Variants in IGSF1 observed in about 807,000 individuals in gnomAD.
IGSF1 encodes immunoglobulin superfamily member 1.
IGSF1 carries 40 observed loss-of-function variants against 95.3 expected under a neutral mutation model. The ratio of observed to expected loss-of-function variants is 0.42; its 90% confidence interval spans 0.33 to 0.55. The LOEUF is 0.55. Among genes scored for constraint, IGSF1 ranks in the 20% least tolerant of loss-of-function variants. The probability of loss-of-function intolerance (pLI) is 0.10; values close to 1 mark genes in which losing one functional copy is unlikely to be tolerated. For missense variants in IGSF1, 906 were observed against 1,025.4 expected (o/e 0.88, Z 1.59); for synonymous variants, 372 against 382.9 (o/e 0.97, Z 0.33).
chrX:131,277,095 C>G lies in IGSF1; in HGVS notation c.2452G>C (p.Ala818Pro), dbSNP rs2080486479. 8.3e-7 allele frequency: 1 copy of G among 1,209,516 alleles called. No individual in the cohort carries two copies. The highest frequency in any genetic ancestry group is 1.1e-6 in the Non-Finnish European group (1 of 894,986). ...FILYKDGSEI[A>P]SSDRSWASPG... ...CTTGCCCAGGACCTGTCACTGGATG[C>G]TATTTCACTTCCATCTTTGTAAAGA... The change falls in exon 14 of 20, where the codon GCA (alanine) becomes CCA (proline). Residue 818 changes from alanine to proline, a missense_variant. By Grantham distance (27) the Ala-to-Pro change is conservative. Coordinates refer to ENST00000361420, the MANE Select transcript of IGSF1 (RefSeq NM_001555.5).
intron 11 of IGSF1, 97 bp downstream of exon 11, chrX:131,279,046 T>G (rs766027030): frequency 1.1e-6 from 1 of 949,284 alleles, no homozygotes; most frequent in East Asian, 3.1e-5. Context: ...TGCCCTTCCC[T>G]CCCAACCAGC....
chrX:131,281,844 T>C lies in IGSF1; in HGVS notation c.1347A>G (p.Glu449=), dbSNP rs1128617. The C allele has an allele frequency of 0.46, 551,029 of 1,206,628 alleles. 86,860 individuals are homozygous for C. Among genetic ancestry groups the C allele is most frequent in the East Asian group, 0.69 (23,150 of 33,640 alleles). Residue 449 remains glutamate, a synonymous_variant, in exon 8 of 20, where the codon GAA becomes GAG. Coordinates refer to ENST00000361420, the MANE Select transcript of IGSF1 (RefSeq NM_001555.5). ...CTCTTTCTTCCCATTCCAGAGAAAA[T>C]TCCAGTACTGGATGAGATACTCGGC... ...LQCRVSHPVL[E]FSLEWEERET...
rs148807935 is a variant in IGSF1 at position 131,280,310 on chromosome X, C to G, written c.1646+908G>C. On this transcript the variant is annotated intron_variant, in intron 9 of 19. Transcript: ENST00000361420. ...CTTAGGTGGCTCCCTTCTGATTGCC[C>G]AAGTATTCTGTCCCTCAGATTCCAG... is the stretch of plus-strand genomic sequence containing the variant. Among the ~76,000 whole-genome samples the G allele has an allele frequency of 3.1e-3, 343 of 111,564 alleles. 1 individual carries two copies. Among genetic ancestry groups the G allele is most frequent in the African/African-American group, 0.01 (321 of 30,634 alleles).
chrX:131,276,274 A>G (rs779287695), intron 14 of IGSF1, 26 bp from the exon 15 acceptor site: 1 of 1,153,209 alleles, frequency 8.7e-7, no homozygotes, highest in African/African-American at 1.8e-5. Flanking sequence ...CCACAGCATG[A>G]GATAAACCCA....
Position 131,286,616 on chromosome X carries a change from A to C in IGSF1, c.59T>G (p.Leu20Arg), listed in dbSNP as rs765959488. Reference protein sequence around the residue: ...ATMLKTFTVLLFCIRMSLGMT... With the variant: ...ATMLKTFTVLRFCIRMSLGMT... ...TTCCTTGTACTCACGAATGCAAAAGAGCAAAACAGTGAATGTCTTCAGCAT... is the reference window on the plus strand; with the variant it reads ...TTCCTTGTACTCACGAATGCAAAAGCGCAAAACAGTGAATGTCTTCAGCAT... The change falls in exon 2 of 20, where the codon CTC becomes CGC. Residue 20 changes from leucine (L) to arginine (R), a missense_variant. Leu to Arg is a moderately radical substitution (Grantham distance 102, BLOSUM62 -2). Around this residue, in one of 5 missense-constraint regions of IGSF1, gnomAD observed 442 missense variants for 448.1 expected, o/e 0.99. Coordinates refer to ENST00000361420, the MANE Select transcript of IGSF1 (RefSeq NM_001555.5). 4.1e-6 allele frequency: 5 copies of C among 1,207,686 alleles called. No homozygotes were observed. The Admixed American group carries it at 8.8e-5, about 21-fold the overall frequency.
At chrX:131,287,039 T>C (rs904047182) in intron 1 of IGSF1, among the ~76,000 whole-genome samples, 3 of 86,070 alleles carry the variant, frequency 3.5e-5, no homozygotes, top group Non-Finnish European at 6.8e-5. Flanking sequence ...AGGTGCAGAG[T>C]CACCTTTTCA....
rs749977306 is a variant in IGSF1 at position 131,274,090 on chromosome X, G to C, written c.3868C>G (p.Arg1290Gly). 3 of 1,209,308 alleles carry C rather than the reference G, an allele frequency of 2.5e-6. No homozygotes were observed. The highest frequency in any genetic ancestry group is 3.4e-6 in the Non-Finnish European group (3 of 894,957). Reference protein sequence around the residue: ...AIEWKKWPRLRTRGSETDGRD... With the variant: ...AIEWKKWPRLGTRGSETDGRD... ...AATGAGGCATTTATTTACCTGGTTC[G>C]CAGTCGAGGCCACTTCTTCCACTCT... The change falls in exon 19 of 20, where the codon CGA (arginine) becomes GGA (glycine). Residue 1290 changes from arginine (R) to glycine (G), a missense_variant. This residue lies in a region of IGSF1 where 411 missense variants were observed against 494.9 expected (regional missense o/e 0.83). Coordinates refer to ENST00000361420, the MANE Select transcript of IGSF1 (RefSeq NM_001555.5).
At position 131,277,082 on chromosome X, in the gene IGSF1, C is replaced by A; in HGVS notation, c.2465G>T (p.Arg822Met). Residue 822 changes from arginine (R) to methionine (M), a missense_variant, in exon 14 of 20, where the codon AGG (arginine) becomes ATG (methionine). Around this residue, in one of 5 missense-constraint regions of IGSF1, gnomAD observed 411 missense variants for 494.9 expected, o/e 0.83. Coordinates refer to ENST00000361420, the MANE Select transcript of IGSF1 (RefSeq NM_001555.5). ...KDGSEIASSD[R>M]SWASPGASAA... ...ACTGGCCCCCGGACTTGCCCAGGAC[C>A]TGTCACTGGATGCTATTTCACTTCC... 2 of 1,211,560 alleles carry A rather than the reference C, an allele frequency of 1.7e-6. No individual in the cohort carries two copies. The highest frequency in any genetic ancestry group is 2.2e-6 in the Non-Finnish European group (2 of 895,351).
At chrX:131,274,529 G>A (rs1387706214) in intron 18 of IGSF1, 70 bp downstream of exon 18, 8 of 1,066,036 alleles carry the variant, frequency 7.5e-6, no homozygotes, top group African/African-American at 5.6e-5. Flanking sequence ...GATTTGGGAT[G>A]TCTCCATGGG....
intron 7 of IGSF1, 92 bp downstream of exon 7, chrX:131,282,352 C>G: frequency 1.4e-6 from 1 of 697,708 alleles, no homozygotes; most frequent in East Asian, 3.2e-5. Context: ...TCATAGCTCT[C>G]AGAGGATATG....
Position 131,281,118 on chromosome X carries a change from T to C in IGSF1, c.1646+100A>G, listed in dbSNP as rs974039325. 3 of 924,350 alleles carry C rather than the reference T, an allele frequency of 3.2e-6. No homozygotes were observed. In the African/African-American group the frequency reaches 5.9e-5, roughly 18 times the overall value. The allele number at this position is 924,350 out of a possible 1,213,427, so 76.2% of individuals were successfully genotyped here. A position where few individuals can be genotyped will look rare whatever the true frequency, so the allele number is the denominator to read the frequency against. On this transcript the variant is annotated intron_variant, in intron 9 of 19. Transcript: ENST00000361420. ...GTTCCCTAAGCCCAGAAGATAGGGG[T>C]TCTATAGGGTTTGCCTCTGTGGCTT... is the stretch of plus-strand genomic sequence containing the variant.
chrX:131,281,407 T>G, intron 8 of IGSF1, 69 bp from the exon 9 acceptor site: 1 of 1,148,693 alleles, frequency 8.7e-7, no homozygotes, highest in Non-Finnish European at 1.2e-6. Flanking sequence ...ATTCATGGGG[T>G]GAGGACAATC....
At chrX:131,275,826 T>A in intron 15 of IGSF1, 61 bp from the exon 16 acceptor site, 1 of 1,167,109 alleles carries the variant, frequency 8.6e-7, no homozygotes, top group East Asian at 3.0e-5. Context: ...CCTGCTTAAA[T>A]TAACACTCTA....
Position 131,278,089 on chromosome X carries a change from C to T in IGSF1, c.2087G>A (p.Gly696Asp). 5 of 1,210,935 alleles carry T rather than the reference C, an allele frequency of 4.1e-6. No homozygotes were observed. Among genetic ancestry groups the T allele is most frequent in the Non-Finnish European group, 5.6e-6 (5 of 894,881 alleles). ...TTTGCACCGGAGTTGTAGTTCCTGGCCCCGGATTGTGGGGGAAGCAGAAAT... is the reference window on the plus strand; with the variant it reads ...TTTGCACCGGAGTTGTAGTTCCTGGTCCCGGATTGTGGGGGAAGCAGAAAT... The part of the protein sequence containing the change: ...PVISASPTIR[G>D]QELQLRCKGW... The change falls in exon 13 of 20, where the codon GGC becomes GAC. Residue 696 changes from glycine (G) to aspartate (D), a missense_variant. Gly to Asp is a moderately conservative substitution (Grantham distance 94). Around this residue, in one of 5 missense-constraint regions of IGSF1, gnomAD observed 411 missense variants for 494.9 expected, o/e 0.83. Transcript: ENST00000361420.
Position 131,274,204 on chromosome X carries a change from G to A in IGSF1, c.3754C>T (p.Pro1252Ser), listed in dbSNP as rs1237089742. The A allele has an allele frequency of 9.1e-6, 11 of 1,210,735 alleles. No individual in the cohort carries two copies. The highest frequency in any genetic ancestry group is 1.2e-5 in the Non-Finnish European group (11 of 895,056). Reference protein sequence around the residue: ...DPLELVGAAGPVAQECTVGNI... With the variant: ...DPLELVGAAGSVAQECTVGNI... ...CCTACAGTGCACTCCTGAGCAACAGGCCCTGTGGTGATGAAAGAGGAGAAA... is the reference window on the plus strand; with the variant it reads ...CCTACAGTGCACTCCTGAGCAACAGACCCTGTGGTGATGAAAGAGGAGAAA... Residue 1252 changes from proline to serine, a missense_variant and splice_region_variant, in exon 19 of 20, where the codon CCT (proline) becomes TCT (serine). Transcript: ENST00000361420.
At chrX:131,274,308 C>T (rs2080450695) in intron 18 of IGSF1, 102 bp from the exon 19 acceptor site, 44 of 1,040,869 alleles carry the variant, frequency 4.2e-5, no homozygotes, top group East Asian at 9.1e-5. Context: ...TTAGGGTTCA[C>T]GTGGGAGCCA....
At chrX:131,287,114 T>C (rs1202784040) in intron 1 of IGSF1, among the ~76,000 whole-genome samples, 5 of 103,924 alleles carry the variant, frequency 4.8e-5, no homozygotes, top group Non-Finnish European at 9.8e-5. Context: ...TACATGTATA[T>C]ATATGTGTGT....
chrX:131,281,291 G>A lies in IGSF1; in HGVS notation c.1573C>T (p.Leu525=), dbSNP rs754285373. 7 of 1,210,530 alleles carry A rather than the reference G, an allele frequency of 5.8e-6. No individual in the cohort carries two copies. In the South Asian group the frequency reaches 7.0e-5, roughly 12 times the overall value. The part of the protein sequence containing the change: ...YVLNEAIRLS[L]IMQLVALLLV... ...AGCAAGGCAACAAGCTGCATGATTA[G>A]AGACAACCTGATAGCTTCATTCAGA... The change falls in exon 9 of 20, where the codon CTA becomes TTA. Residue 525 remains leucine, a synonymous_variant. Coordinates refer to ENST00000361420, the MANE Select transcript of IGSF1 (RefSeq NM_001555.5).
intron 9 of IGSF1, 177 bp downstream of exon 9, chrX:131,281,041 G>C: frequency 4.3e-6 from 2 of 470,162 alleles, no homozygotes; most frequent in Non-Finnish European, 7.4e-6. Context: ...CCGCTGGCTT[G>C]AGTGCTGACC....
Sources: gnomAD v4.1 joint callset for allele counts (sites outside exome capture counted in the v4.1 genomes callset) on GRCh38, gnomAD v4.1.1 for gene constraint, gnomAD v4.1.1 regional missense constraint, MANE v1.5 for transcripts, NCBI Gene and HGNC (gene_info 2026-07-23, HGNC 2026-07-21) for gene names.